The following HIVEP3 variants were observed in gnomAD, a reference collection of about 807,000 sequenced individuals.
HIVEP3 encodes the protein transcription factor HIVEP3.
HIVEP3 carries 49 observed loss-of-function variants against 152.8 expected under a neutral mutation model. The ratio of observed to expected loss-of-function variants is 0.32; its 90% CI spans 0.26 to 0.41. The LOEUF is 0.41. Ranked by LOEUF, HIVEP3 falls within the 10% of genes least tolerant of loss-of-function variation. The pLI is 1.00. For synonymous variants in HIVEP3, 1,269 were observed against 1,289.0 expected (o/e 0.98, Z 0.33); for missense variants, 2,790 against 3,103.3 (o/e 0.90, Z 2.40).
rs145925353 is a variant in HIVEP3 at position 41,815,413 on chromosome 1, G to A, written c.-801+103000C>T. On this transcript the variant is annotated intron_variant, in intron 1 of 8. Transcript: ENST00000372583. ...CTTGAGCCAGGAGTTTGAGGCTGCA[G>A]TGAGCTATGATCACACCACCGCACT... Among the ~76,000 whole-genome samples, 947 of 152,334 alleles carry A rather than the reference G, an allele frequency of 6.2e-3. 6 individuals carry two copies. Among genetic ancestry groups the A allele is most frequent in the Admixed American group, 0.011 (166 of 15,302 alleles).
intron 1 of HIVEP3, among the ~76,000 whole-genome samples, chr1:41,771,444 G>C (rs1648362083): frequency 6.6e-6 from 1 of 152,198 alleles, no homozygotes; most frequent in African/African-American, 2.4e-5. Context: ...CTCCTCCGGA[G>C]CTCAGGCCTG....
chr1:41,557,546 G>A (rs560831422), intron 5 of HIVEP3, among the ~76,000 whole-genome samples: 4 of 152,150 alleles, frequency 2.6e-5, no homozygotes, highest in African/African-American at 4.8e-5. Flanking sequence ...GAATGAAGGC[G>A]CAGGCTCTGG....
chr1:41,770,745 T>A (rs1014007024), intron 1 of HIVEP3, among the ~76,000 whole-genome samples: 1 of 152,132 alleles, frequency 6.6e-6, no homozygotes, highest in African/African-American at 2.4e-5. Flanking sequence ...AAAGACTAAC[T>A]GTCACAGAAT....
chr1:41,741,786 C>T (rs1324098417), intron 1 of HIVEP3, among the ~76,000 whole-genome samples: 1 of 152,182 alleles, frequency 6.6e-6, no homozygotes, highest in South Asian at 2.1e-4. Context: ...TGCTGCTTCA[C>T]CTATTGGAGC....
intron 1 of HIVEP3, among the ~76,000 whole-genome samples, chr1:41,986,510 G>A (rs752768922): frequency 8.0e-5 from 12 of 149,404 alleles, no homozygotes; most frequent in Non-Finnish European, 1.3e-4. Flanking sequence ...GCGCTATGTC[G>A]GCTCACTGCA....
Position 41,584,540 on chromosome 1 carries a change from G to C in HIVEP3, c.258C>G (p.Ile86Met), listed in dbSNP as rs78126520. The change falls in exon 4 of 9, where the codon ATC becomes ATG. Residue 86 changes from isoleucine to methionine, a missense_variant. Physicochemically the swap from Ile to Met is conservative, Grantham distance 10 (BLOSUM62 1). Coordinates refer to ENST00000372583, the MANE Select transcript of HIVEP3 (RefSeq NM_024503.5). This position sits in a 1 kb window ranked among gnomAD's most constrained non-coding sequence, Gnocchi z 5.2. ...GCTGTGAGATGTGGACGGATGCTTCGATGGGGGGCCTTTTGGGGGGCTTCT... is the reference window on the plus strand; with the variant it reads ...GCTGTGAGATGTGGACGGATGCTTCCATGGGGGGCCTTTTGGGGGGCTTCT... Reference protein sequence around the residue: ...QQQKPPKRPPIEASVHISQLP... With the variant: ...QQQKPPKRPPMEASVHISQLP... 3 of 1,614,002 alleles carry C rather than the reference G, an allele frequency of 1.9e-6. No individual in the cohort carries two copies. Among genetic ancestry groups the C allele is most frequent in the Non-Finnish European group, 1.7e-6 (2 of 1,179,982 alleles).
At chr1:41,916,061 C>T (rs75377521) in intron 1 of HIVEP3, among the ~76,000 whole-genome samples, 1 of 152,208 alleles carries the variant, frequency 6.6e-6, no homozygotes, top group Non-Finnish European at 1.5e-5. Flanking sequence ...TGTCACACAG[C>T]TTTCTTAATG....
At position 41,513,723 on chromosome 1, in the gene HIVEP3, G is replaced by A. The variant is rs369043645; in HGVS notation, c.5498C>T (p.Ser1833Leu). The A allele has an allele frequency of 3.6e-5, 57 of 1,587,558 alleles. No homozygotes were observed. Among genetic ancestry groups the A allele is most frequent in the South Asian group, 2.0e-4 (17 of 85,534 alleles). ...AGCCTCTGAACCCTCTCGTCCTTCC[G>A]AGTCCTGGAACAGGTCGTCACTGGT... is the stretch of plus-strand genomic sequence containing the variant. ...EGTSDDLFQD[S>L]EGREGSEAVE... Residue 1833 changes from serine (S) to leucine (L), a missense_variant, in exon 8 of 9, where the codon TCG becomes TTG. Ser to Leu is a moderately radical substitution (Grantham distance 145). Transcript: ENST00000372583.
intron 1 of HIVEP3, among the ~76,000 whole-genome samples, chr1:41,884,620 G>A (rs1396611714): frequency 2.0e-5 from 3 of 152,224 alleles, no homozygotes; most frequent in Non-Finnish European, 2.9e-5. Flanking sequence ...AAATCCTGAA[G>A]GGTTAGCATT....
upstream of HIVEP3, among the ~76,000 whole-genome samples, chr1:41,922,851 A>G (rs2124475933): frequency 6.6e-6 from 1 of 152,206 alleles, no homozygotes; most frequent in East Asian, 1.9e-4. Context: ...GGGAAGAGAG[A>G]GATAAAGAAA....
intron 1 of HIVEP3, among the ~76,000 whole-genome samples, chr1:41,856,273 G>A (rs1643762985): frequency 6.6e-6 from 1 of 152,178 alleles, no homozygotes; most frequent in Non-Finnish European, 1.5e-5. Context: ...AAAAGCAAAT[G>A]AACAAATGAA....
chr1:41,596,408 G>T (rs1644666567), intron 3 of HIVEP3, among the ~76,000 whole-genome samples: 1 of 152,136 alleles, frequency 6.6e-6, no homozygotes, highest in East Asian at 1.9e-4. Context: ...GAAGGAAGAG[G>T]TTTTTTGCTA....
chr1:42,031,736 GT>G (rs1000507972), intron 1 of HIVEP3, among the ~76,000 whole-genome samples: 31 of 152,008 alleles, frequency 2.0e-4, no homozygotes, highest in African/African-American at 4.6e-4. Context: ...AGATTATACA[GT>G]TTTTTTCCCA....
intron 5 of HIVEP3, among the ~76,000 whole-genome samples, chr1:41,539,225 C>T (rs1355811488): frequency 7.4e-6 from 1 of 134,290 alleles, no homozygotes; most frequent in Non-Finnish European, 1.8e-5. Context: ...CCAGGGGACT[C>T]ACAGTTTCCC....
chr1:41,610,165 G>C (rs1644878078), intron 3 of HIVEP3, among the ~76,000 whole-genome samples: 2 of 152,054 alleles, frequency 1.3e-5, no homozygotes, highest in Admixed American at 1.3e-4. Flanking sequence ...CTCTCTCTCT[G>C]TATACACACA....
intron 1 of HIVEP3, among the ~76,000 whole-genome samples, chr1:41,952,689 T>C (rs1171754412): frequency 1.3e-5 from 2 of 152,192 alleles, no homozygotes; most frequent in African/African-American, 4.8e-5. Flanking sequence ...TATATGCACA[T>C]GCATGTAAAG....
rs149490816 is a variant in HIVEP3 at position 41,777,701 on chromosome 1, C to T, written c.-800-76706G>A. ...TAGACCTCACCAAGCCTGTCATCAT[C>T]TCTCAAATGGGAACAGTAGCTGCCA... On this transcript the variant is annotated intron_variant, in intron 1 of 8. Coordinates refer to ENST00000372583, the MANE Select transcript of HIVEP3 (RefSeq NM_024503.5). Among the ~76,000 whole-genome samples the T allele has an allele frequency of 4.9e-3, 748 of 152,368 alleles. 6 individuals are homozygous for T. The highest frequency in any genetic ancestry group is 7.1e-3 in the Non-Finnish European group (482 of 68,042).
At chr1:41,793,990 G>T (rs1356356352) in intron 1 of HIVEP3, among the ~76,000 whole-genome samples, 4 of 152,200 alleles carry the variant, frequency 2.6e-5, no homozygotes, top group Non-Finnish European at 5.9e-5. Flanking sequence ...TGTGTATTTA[G>T]ATTGTCTCCA....
intron 1 of HIVEP3, among the ~76,000 whole-genome samples, chr1:42,001,557 A>G (rs1408220084): frequency 6.6e-6 from 1 of 152,220 alleles, no homozygotes; most frequent in Non-Finnish European, 1.5e-5. Context: ...AGGATCAAGT[A>G]TTTATTGATT....
Sources: gnomAD v4.1 joint callset for allele counts (sites outside exome capture counted in the v4.1 genomes callset) on GRCh38, gnomAD v4.1.1 for gene constraint, Gnocchi (gnomAD v3.1) non-coding constraint, MANE v1.5 for transcripts, NCBI Gene and HGNC (gene_info 2026-07-23, HGNC 2026-07-21) for gene names.